PACRG: variants seen among roughly 807,000 people sequenced by gnomAD.
PACRG encodes parkin coregulated.
PACRG carries 29 observed loss-of-function variants against 29.7 expected under a neutral mutation model. The ratio of observed to expected loss-of-function variants is 0.98; its 90% CI spans 0.73 to 1.33. The LOEUF is 1.33. Ranked by LOEUF, PACRG falls within the 40% of genes most tolerant of loss-of-function variation. PACRG has a pLI of 0.00. For missense variants in PACRG, 279 were observed against 316.2 expected (o/e 0.88, Z 0.89); for synonymous variants, 116 against 118.7 (o/e 0.98, Z 0.15).
intron 4 of PACRG, among the ~76,000 whole-genome samples, chr6:163,204,077 GA>G (rs1780808740): frequency 1.3e-5 from 2 of 152,334 alleles, no homozygotes; most frequent in Admixed American, 1.3e-4. Flanking sequence ...CTAAAAATAT[GA>G]AGTGATATCC....
intron 2 of PACRG, among the ~76,000 whole-genome samples, chr6:162,868,839 C>A (rs1162812247): frequency 6.6e-6 from 1 of 152,186 alleles, no homozygotes; most frequent in Non-Finnish European, 1.5e-5. Flanking sequence ...GACACAGGCT[C>A]TTTGAACTCT....
rs1461148460 is a variant in PACRG, at chr6:162,991,944, CA to C, written c.292-70205del. ...TACCTAATTTATTGAGAGTTTTTAG[CA>C]TGAAGGGTTGTTGAATTTTGTCAAA... On this transcript the variant is annotated intron_variant, in intron 2 of 4. Coordinates refer to ENST00000366888, the MANE Select transcript of PACRG (RefSeq NM_001080379.2). Among the ~76,000 whole-genome samples, 4 of 119,686 alleles carry C rather than the reference CA, an allele frequency of 3.3e-5. No individual in the cohort carries two copies. The East Asian group carries it at 6.8e-4, about 20-fold the overall frequency. The allele number at this position is 119,686 out of a possible 152,430, so 78.5% of individuals were successfully genotyped here. A position where few individuals can be genotyped will look rare whatever the true frequency, so the allele number is the denominator to read the frequency against.
At chr6:163,229,111 A>G (rs558523149) in intron 4 of PACRG, among the ~76,000 whole-genome samples, 7 of 152,318 alleles carry the variant, frequency 4.6e-5, no homozygotes, top group South Asian at 2.1e-4. Flanking sequence ...TGTAGTCCCA[A>G]TGCTCTGGGA....
At chr6:162,791,514 G>C (rs1296648242) in intron 1 of PACRG, among the ~76,000 whole-genome samples, 2 of 151,990 alleles carry the variant, frequency 1.3e-5, no homozygotes, top group Non-Finnish European at 2.9e-5. Flanking sequence ...TCCTTCTAAA[G>C]TGAAAACTGC....
chr6:162,907,139 G>T (rs1218379860), intron 2 of PACRG, among the ~76,000 whole-genome samples: 1 of 152,114 alleles, frequency 6.6e-6, no homozygotes, highest in Non-Finnish European at 1.5e-5. Flanking sequence ...TTATATGAAT[G>T]ATTTGCATGT....
chr6:162,995,956 A>C (rs1804001725), intron 2 of PACRG, among the ~76,000 whole-genome samples: 1 of 152,202 alleles, frequency 6.6e-6, no homozygotes, highest in Non-Finnish European at 1.5e-5. Flanking sequence ...ATATACCCAG[A>C]ATTGGGATTG....
chr6:162,831,482 A>G (rs1384570534), intron 2 of PACRG, among the ~76,000 whole-genome samples: 1 of 152,084 alleles, frequency 6.6e-6, no homozygotes, highest in Non-Finnish European at 1.5e-5. Context: ...TGATACATTT[A>G]TTTTGTTTCT....
chr6:162,770,986 A>G (rs1584299823), intron 1 of PACRG, among the ~76,000 whole-genome samples: 1 of 152,190 alleles, frequency 6.6e-6, no homozygotes, highest in South Asian at 2.1e-4. Flanking sequence ...AATCCCTACC[A>G]TAAAGGAGTT....
chr6:163,129,341 T>A (rs1450793159), intron 4 of PACRG, among the ~76,000 whole-genome samples: 1 of 152,216 alleles, frequency 6.6e-6, no homozygotes, highest in African/African-American at 2.4e-5. Context: ...GGTGCCCAGG[T>A]TTCTTGTGAC....
intron 2 of PACRG, among the ~76,000 whole-genome samples, chr6:163,012,565 G>A (rs1328174129): frequency 6.6e-6 from 1 of 152,210 alleles, no homozygotes; most frequent in Non-Finnish European, 1.5e-5. Flanking sequence ...GCCCTGGCAG[G>A]TGCTTTCTCA....
In PACRG at chr6:162,889,256, C is replaced by T. The variant is rs1461341998; in HGVS notation, c.291+74975C>T. ...TATTAAGTCTGTTCAGATGATACCACATTTTCTACATCACTGATCCATTAA... is the reference window on the plus strand; with the variant it reads ...TATTAAGTCTGTTCAGATGATACCATATTTTCTACATCACTGATCCATTAA... On this transcript the variant is annotated intron_variant, in intron 2 of 4. Transcript: ENST00000366888. Among the ~76,000 whole-genome samples, 4 of 152,228 alleles carry T rather than the reference C, an allele frequency of 2.6e-5. No homozygotes were observed. The South Asian group carries it at 6.2e-4, about 24-fold the overall frequency.
At chr6:163,160,567 G>A (rs994928816) in intron 4 of PACRG, among the ~76,000 whole-genome samples, 2 of 152,046 alleles carry the variant, frequency 1.3e-5, no homozygotes, top group African/African-American at 4.8e-5. Flanking sequence ...TTAATAAATG[G>A]CATACCTTTT....
At chr6:162,938,097 T>C (rs1021579990) in intron 2 of PACRG, among the ~76,000 whole-genome samples, 9 of 152,192 alleles carry the variant, frequency 5.9e-5, no homozygotes, top group South Asian at 2.1e-4. Flanking sequence ...GTCATTCTTA[T>C]GCATTTGCAT....
chr6:162,742,419 T>C (rs1780671091), intron 1 of PACRG, among the ~76,000 whole-genome samples: 1 of 152,144 alleles, frequency 6.6e-6, no homozygotes, highest in Non-Finnish European at 1.5e-5. Flanking sequence ...GAACTGTGAG[T>C]CTATTAAACT....
intron 4 of PACRG, among the ~76,000 whole-genome samples, chr6:163,175,266 G>A (rs916374874): frequency 6.6e-6 from 1 of 152,138 alleles, no homozygotes; most frequent in Non-Finnish European, 1.5e-5. Context: ...TTAAAGCTTG[G>A]GGAACAATGT....
rs1219523220 is a variant in PACRG at position 163,269,960 on chromosome 6, AAAG to A, written c.614-44864_614-44862del. ...GAAAGAAAGAAAGAAAGAAAGAAAGAAAGAAAGAAAGAAAGAAAGAAAGAAAGA... is the reference window on the plus strand; with the variant it reads ...GAAAGAAAGAAAGAAAGAAAGAAAGAAAAGAAAGAAAGAAAGAAAGAAAGA... On this transcript the variant is annotated intron_variant, in intron 4 of 4. Coordinates refer to ENST00000366888, the MANE Select transcript of PACRG (RefSeq NM_001080379.2). Among the ~76,000 whole-genome samples, 207 of 79,464 alleles carry A rather than the reference AAAG, an allele frequency of 2.6e-3. 35 individuals are homozygous for A. Among genetic ancestry groups the A allele is most frequent in the African/African-American group, 8.4e-3 (133 of 15,828 alleles). The allele number at this position is 79,464 out of a possible 152,430, so 52.1% of individuals were successfully genotyped here.
At chr6:162,943,709 C>G (rs1360188483) in intron 2 of PACRG, among the ~76,000 whole-genome samples, 2 of 152,160 alleles carry the variant, frequency 1.3e-5, no homozygotes, top group Non-Finnish European at 2.9e-5. Flanking sequence ...GAGGATTCTC[C>G]TGCCCTGTGC....
chr6:163,279,605 G>C (rs941633607), intron 4 of PACRG, among the ~76,000 whole-genome samples: 1 of 152,064 alleles, frequency 6.6e-6, no homozygotes, highest in Non-Finnish European at 1.5e-5. Flanking sequence ...CTGAGATCTT[G>C]TGTTTTTGCT....
intron 4 of PACRG, among the ~76,000 whole-genome samples, chr6:163,137,862 G>C (rs948793919): frequency 2.0e-5 from 3 of 152,264 alleles, no homozygotes; most frequent in Non-Finnish European, 4.4e-5. Context: ...CTGCAGCTTG[G>C]AGCAGGCCCT....
Sources: allele counts gnomAD v4.1 joint callset (sites outside exome capture counted in the v4.1 genomes callset), GRCh38; gene constraint gnomAD v4.1.1; transcripts MANE v1.5; gene names NCBI Gene and HGNC (gene_info 2026-07-23, HGNC 2026-07-21).